Variants in ANKRD2 observed in about 807,000 individuals in gnomAD.
The protein encoded by ANKRD2 is ankyrin repeat domain 2.
ANKRD2 carries 35 observed loss-of-function variants against 37.3 expected under a neutral mutation model. The ratio of observed to expected loss-of-function variants is 0.94; its 90% CI spans 0.72 to 1.24. The LOEUF (loss-of-function observed/expected upper bound fraction) is 1.24. Among genes scored for constraint, ANKRD2 ranks in the 50% most tolerant of loss-of-function variants. The probability of loss-of-function intolerance (pLI) is 0.00; values close to 1 mark genes in which losing one functional copy is unlikely to be tolerated. For missense variants in ANKRD2, 410 were observed against 445.6 expected, an observed-to-expected ratio of 0.92 and a Z score of 0.72; for synonymous variants, 159 against 186.5, an observed-to-expected ratio of 0.85 and a Z score of 1.20.
At position 97,578,289 on chromosome 10, in the gene ANKRD2, T is replaced by C. The variant is rs201894266; in HGVS notation, c.239T>C (p.Ile80Thr). The change falls in exon 3 of 9, where the codon ATC becomes ACC. Residue 80 changes from isoleucine to threonine, a missense_variant. Physicochemically the swap from Ile to Thr is moderately conservative, Grantham distance 89. Transcript: ENST00000370655. ...KTSLDLRREI[I>T]DVGGIQNLIE... ...TCCCTGGACCTGCGGCGGGAGATCA[T>C]CGATGTGGGCGGGATCCAGAACCTC... The C allele has an allele frequency of 1.2e-6, 2 of 1,612,812 alleles. No individual in the cohort carries two copies. The highest frequency in any genetic ancestry group is 2.7e-5 in the African/African-American group (2 of 74,928).
rs2040853967 is a variant in ANKRD2 at position 97,578,354 on chromosome 10, G to T, written c.304G>T (p.Ala102Ser). The T allele has an allele frequency of 1.2e-6, 2 of 1,613,730 alleles. No individual in the cohort carries two copies. Among genetic ancestry groups the T allele is most frequent in the Non-Finnish European group, 1.7e-6 (2 of 1,179,954 alleles). The change falls in exon 3 of 9, where the codon GCT (alanine) becomes TCT (serine). Residue 102 changes from alanine to serine, a missense_variant. Transcript: ENST00000370655. ...RKKRKQKKRD[A>S]LAASHEPPPE... is the part of the protein sequence containing the mutation. ...GAAACGCAAGCAGAAGAAGCGGGAC[G>T]CTCTGGCCGCCTCGCATGAGCCGCC... is the stretch of plus-strand genomic sequence containing the variant.
chr10:97,577,928 C>G, intron 2 of ANKRD2, 27 bp downstream of exon 2: 1 of 1,535,844 alleles, frequency 6.5e-7, no homozygotes, highest in Non-Finnish European at 8.8e-7. Context: ...CCAATGTCTG[C>G]ACCCAGGGGA....
At chr10:97,575,149 C>T (rs1231412317) in intron 1 of ANKRD2, among the ~76,000 whole-genome samples, 1 of 152,200 alleles carries the variant, frequency 6.6e-6, no homozygotes, top group South Asian at 2.1e-4. Context: ...CAAAGACAAA[C>T]CTGAAATGAA....
intron 4 of ANKRD2, among the ~76,000 whole-genome samples, chr10:97,580,061 A>T (rs2040877743): frequency 6.6e-6 from 1 of 152,164 alleles, no homozygotes; most frequent in Non-Finnish European, 1.5e-5. Flanking sequence ...GTAGACTTGG[A>T]CCACATGTCC....
intron 8 of ANKRD2, among the ~76,000 whole-genome samples, chr10:97,583,190 A>G (rs2040925134): frequency 6.6e-6 from 1 of 152,200 alleles, no homozygotes. Flanking sequence ...TGGGGCCCAG[A>G]GCATTCACAA....
chr10:97,583,030 C>T (rs1013327120), intron 8 of ANKRD2, among the ~76,000 whole-genome samples: 9 of 152,132 alleles, frequency 5.9e-5, no homozygotes, highest in African/African-American at 1.9e-4. Context: ...TGGAAGGGAC[C>T]GAGCACTCAG....
chr10:97,583,729 C>A lies in ANKRD2; in HGVS notation c.*4C>A. ...TCAGCCTGTGCCAGCCCAGTGAATG[C>A]GTGCCCCAGCCCAGCCAGCTACCCA... On this transcript the variant is annotated 3_prime_UTR_variant, in exon 9 of 9. Transcript: ENST00000370655. 1 of 1,515,718 alleles carries A rather than the reference C, an allele frequency of 6.6e-7. No individual in the cohort carries two copies. The highest frequency in any genetic ancestry group is 8.8e-7 in the Non-Finnish European group (1 of 1,133,116). 93.9% of individuals were successfully genotyped at this position (1,515,718 alleles called of 1,614,324 possible). A position where few individuals can be genotyped will look rare whatever the true frequency, so the allele number is the denominator to read the frequency against.
chr10:97,574,021 T>C (rs1175069892), intron 1 of ANKRD2, among the ~76,000 whole-genome samples: 1 of 151,516 alleles, frequency 6.6e-6, no homozygotes, highest in East Asian at 2.0e-4. Context: ...GGCTCAAGCC[T>C]GTAATCCCAG....
At chr10:97,576,668 T>TTTTA (rs59288893) in intron 1 of ANKRD2, among the ~76,000 whole-genome samples, 59,935 of 140,096 alleles carry the variant, frequency 0.43, 13,322 homozygotes, top group Non-Finnish European at 0.5. Flanking sequence ...TTAAAACTTA[T>TTTTA]TTTATTTATT....
intron 4 of ANKRD2, among the ~76,000 whole-genome samples, chr10:97,579,054 C>T (rs941283729): frequency 1.3e-5 from 2 of 152,008 alleles, no homozygotes; most frequent in African/African-American, 4.8e-5. Context: ...CTGTGGCTCA[C>T]GTCTGTAATC....
At chr10:97,581,559 T>A in intron 6 of ANKRD2, 145 bp downstream of exon 6, 1 of 790,112 alleles carries the variant, frequency 1.3e-6, no homozygotes, top group South Asian at 1.7e-5. Context: ...TAAAACAGTG[T>A]CCTACTGGGC....
upstream of ANKRD2, chr10:97,572,619 C>T (rs1343614761): frequency 1.4e-6 from 2 of 1,464,096 alleles, no homozygotes; most frequent in Non-Finnish European, 9.1e-7. Flanking sequence ...GGCTCTGCTC[C>T]CTGGCCCTGG....
intron 1 of ANKRD2, among the ~76,000 whole-genome samples, chr10:97,573,131 C>T (rs928460626): frequency 2.2e-4 from 34 of 152,200 alleles, no homozygotes; most frequent in African/African-American, 7.2e-4. Context: ...TGCTCACCCT[C>T]CTGGGCCTTG....
At chr10:97,581,019 C>T (rs2040891774) in intron 5 of ANKRD2, 66 bp downstream of exon 5, 1 of 1,414,344 alleles carries the variant, frequency 7.1e-7, no homozygotes, top group African/African-American at 1.4e-5. Context: ...GACACCCTCT[C>T]CCTGCCACCT....
Position 97,581,185 on chromosome 10 carries a change from A to G in ANKRD2, c.556-131A>G, listed in dbSNP as rs555596202. The stretch of plus-strand genomic sequence containing the variant: ...AGTGTTCTTCTGTTCCACTTGGTCC[A>G]TTGCCCATGCCCAGGCCTGCTCCCT... On this transcript the variant is annotated intron_variant, in intron 5 of 8. Transcript: ENST00000370655. The G allele has an allele frequency of 9.8e-5, 92 of 941,152 alleles. No individual in the cohort carries two copies. The African/African-American group carries it at 1.3e-3, about 13-fold the overall frequency. 58.3% of individuals were successfully genotyped at this position (941,152 alleles called of 1,614,324 possible).
Position 97,579,893 on chromosome 10 carries a change from G to A in ANKRD2, c.457-962G>A, listed in dbSNP as rs186961617. On this transcript the variant is annotated intron_variant, in intron 4 of 8. Transcript: ENST00000370655. ...ATTACAGGCATGAGCCACCGTGTCC[G>A]GCCCCTTACAGCCATATTTTCTAAA... Among the ~76,000 whole-genome samples, 383 of 152,222 alleles carry A rather than the reference G, an allele frequency of 2.5e-3. 1 individual carries two copies. The highest frequency in any genetic ancestry group is 3.9e-3 in the Non-Finnish European group (265 of 68,014).
At position 97,578,406 on chromosome 10, in the gene ANKRD2, T is replaced by A; in HGVS notation, c.348+8T>A. On this transcript the variant is annotated splice_region_variant and intron_variant, in intron 3 of 8. Transcript: ENST00000370655. ...CCAGAGCCCGAGGAGATCGTAAGGG[T>A]CCTGGGGAGGACACCGCGAGGGGGC... The A allele has an allele frequency of 6.2e-7, 1 of 1,612,888 alleles. No homozygotes were observed. The highest frequency in any genetic ancestry group is 8.5e-7 in the Non-Finnish European group (1 of 1,179,566).
rs778322615 is a variant in ANKRD2, at chr10:97,582,630, T to C, written c.780T>C (p.Ala260=). ...DREGDTALHD[A]VRLNRYKIIK... ...AAGGGGATACTGCCCTGCATGACGC[T>C]GTGAGGCTCAACCGCTACAAAATCA... Residue 260 remains alanine, a synonymous_variant, in exon 8 of 9, where the codon GCT becomes GCC. Transcript: ENST00000370655. 1.2e-6 allele frequency: 2 copies of C among 1,614,148 alleles called. No individual in the cohort carries two copies. The highest frequency in any genetic ancestry group is 3.3e-5 in the Admixed American group (2 of 60,022).
At chr10:97,581,079 A>C (rs1464529965) in intron 5 of ANKRD2, 126 bp downstream of exon 5, 4 of 918,880 alleles carry the variant, frequency 4.4e-6, no homozygotes, top group Non-Finnish European at 6.7e-6. Context: ...ACTCCACCTC[A>C]GTGGCTTATG....
Sources: allele counts gnomAD v4.1 joint callset (sites outside exome capture counted in the v4.1 genomes callset), GRCh38; gene constraint gnomAD v4.1.1; transcripts MANE v1.5; gene names NCBI Gene and HGNC (gene_info 2026-07-23, HGNC 2026-07-21).